The following PCNX3 variants were observed in gnomAD, a reference collection of about 807,000 sequenced individuals.
The protein encoded by PCNX3 is pecanex-like protein 3.
PCNX3 carries 58 observed loss-of-function variants against 207.2 expected under a neutral mutation model. The observed-to-expected ratio is 0.28, with a 90% CI of 0.23 to 0.35. The LOEUF is 0.35. PCNX3 is among the 10% of genes least tolerant of loss of function. The pLI, the probability that PCNX3 is intolerant of heterozygous loss-of-function variation, is 1.00. For synonymous variants in PCNX3, 1,337 were observed against 1,183.5 expected, an observed-to-expected ratio of 1.13 and a Z score of -2.66; for missense variants, 2,410 against 2,774.4, an observed-to-expected ratio of 0.87 and a Z score of 2.95.
At position 65,630,613 on chromosome 11, in the gene PCNX3, G is replaced by C; in HGVS notation, c.4470+9G>C. The C allele has an allele frequency of 1.6e-5, 25 of 1,601,962 alleles. No homozygotes were observed. The highest frequency in any genetic ancestry group is 2.1e-5 in the Non-Finnish European group (25 of 1,170,838). On this transcript the variant is annotated intron_variant, in intron 27 of 34. Coordinates refer to ENST00000355703, the MANE Select transcript of PCNX3 (RefSeq NM_032223.4). ...TCACCTACTATGTCAAGGTACGGTG[G>C]GCAGGTGTGGCCGGGCAGCAGGGCC...
At chr11:65,626,278 C>A (rs898126996) in intron 20 of PCNX3, 3 of 700,796 alleles carry the variant, frequency 4.3e-6, no homozygotes, top group African/African-American at 3.5e-5. Flanking sequence ...CCTGTGTTGC[C>A]CTGGTCCTGC....
intron 2 of PCNX3, 105 bp from the exon 3 acceptor site, chr11:65,617,145 G>T: frequency 7.2e-7 from 1 of 1,398,224 alleles, no homozygotes. Context: ...GTTAGCCCTG[G>T]AATTGTAAAG....
rs1014122091 is a variant in PCNX3, at chr11:65,620,864, G to A, written c.2133G>A (p.Ser711=). 38 of 1,588,810 alleles carry A rather than the reference G, an allele frequency of 2.4e-5. No homozygotes were observed. The highest frequency in any genetic ancestry group is 8.1e-5 in the African/African-American group (6 of 74,164). Reference sequence around the variant, plus strand: ...ACTCGCATTCCTCCAGCTTCCACTCGGCTGATGTCCCTGAGGCTACAGGCG... The same window carrying A: ...ACTCGCATTCCTCCAGCTTCCACTCAGCTGATGTCCCTGAGGCTACAGGCG... ...DRHSHSSSFH[S]ADVPEATGGL... Residue 711 remains serine (S), a synonymous_variant, in exon 10 of 35, where the codon TCG becomes TCA. Coordinates refer to ENST00000355703, the MANE Select transcript of PCNX3 (RefSeq NM_032223.4).
chr11:65,635,810 C>A lies in PCNX3; in HGVS notation c.5459+7C>A, dbSNP rs1314744777. The A allele has an allele frequency of 6.3e-7, 1 of 1,599,792 alleles. No homozygotes were observed. Among genetic ancestry groups the A allele is most frequent in the Non-Finnish European group, 8.5e-7 (1 of 1,173,056 alleles). On this transcript the variant is annotated splice_region_variant and intron_variant, in intron 32 of 34. Coordinates refer to ENST00000355703, the MANE Select transcript of PCNX3 (RefSeq NM_032223.4). This position sits in a 1 kb window ranked among gnomAD's most constrained non-coding sequence, Gnocchi z 9.9. ...TCCTGCGCACCTGGGAGAGGTGAGG[C>A]CTCGGGAAGGGGTGACGTGTGGCGC...
Position 65,636,627 on chromosome 11 carries a change from C to A in PCNX3, c.5830C>A (p.Leu1944Met). The A allele has an allele frequency of 6.3e-7, 1 of 1,585,456 alleles. No homozygotes were observed. The highest frequency in any genetic ancestry group is 8.6e-7 in the Non-Finnish European group (1 of 1,168,294). ...GKWSLGGRKG[L>M]GGSDGEPASG... ...GTGGAGCCTGGGGGGCCGGAAGGGG[C>A]TGGGAGGATCTGACGGGGAGCCAGC... is the stretch of plus-strand genomic sequence containing the variant. The change falls in exon 34 of 35, where the codon CTG becomes ATG. Residue 1944 changes from leucine (L) to methionine (M), a missense_variant. Leu to Met is a conservative substitution (Grantham distance 15, BLOSUM62 2). Transcript: ENST00000355703.
intron 1 of PCNX3, 70 bp downstream of exon 1, chr11:65,616,534 T>C: frequency 6.7e-7 from 1 of 1,495,590 alleles, no homozygotes; most frequent in Non-Finnish European, 9.0e-7. Context: ...TTCAGGGCAG[T>C]GCCCTGGGCT....
chr11:65,627,941 C>G (rs1189853807), intron 22 of PCNX3, among the ~76,000 whole-genome samples: 1 of 152,180 alleles, frequency 6.6e-6, no homozygotes, highest in Non-Finnish European at 1.5e-5. Context: ...CACCCTGGAT[C>G]CAGAGCAGTC....
Position 65,634,209 on chromosome 11 carries a change from G to C in PCNX3, c.4554G>C (p.Val1518=). ...HEGITAALRP[V]RVPGYADSDP... Reference sequence around the variant, plus strand: ...GCATCACGGCAGCCCTGAGGCCTGTGCGGGTGCCCGGCTATGCCGACTCGG... The same window carrying C: ...GCATCACGGCAGCCCTGAGGCCTGTCCGGGTGCCCGGCTATGCCGACTCGG... Residue 1518 remains valine, a synonymous_variant, in exon 28 of 35, where the codon GTG becomes GTC. Coordinates refer to ENST00000355703, the MANE Select transcript of PCNX3 (RefSeq NM_032223.4). 1 of 1,613,500 alleles carries C rather than the reference G, an allele frequency of 6.2e-7. No homozygotes were observed. Among genetic ancestry groups the C allele is most frequent in the Non-Finnish European group, 8.5e-7 (1 of 1,179,828 alleles).
At position 65,625,709 on chromosome 11, in the gene PCNX3, G is replaced by A; in HGVS notation, c.3193G>A (p.Ala1065Thr). 2.5e-6 allele frequency: 4 copies of A among 1,611,376 alleles called. No homozygotes were observed. Among genetic ancestry groups the A allele is most frequent in the South Asian group, 1.1e-5 (1 of 90,982 alleles). Residue 1065 changes from alanine (A) to threonine (T), a missense_variant, in exon 19 of 35, where the codon GCC (alanine) becomes ACC (threonine). Ala to Thr is a moderately conservative substitution (Grantham distance 58, BLOSUM62 0). Around this residue, in one of 8 missense-constraint regions of PCNX3, gnomAD observed 333 missense variants for 386.8 expected, o/e 0.86. Coordinates refer to ENST00000355703, the MANE Select transcript of PCNX3 (RefSeq NM_032223.4). This position sits in a 1 kb window ranked among gnomAD's most constrained non-coding sequence, Gnocchi z 5.6. ...TGTGGTGATCGCCGTGCTCACCTTCGCCATCAGCGCCAGCACCGTCTTTAT... is the reference window on the plus strand; with the variant it reads ...TGTGGTGATCGCCGTGCTCACCTTCACCATCAGCGCCAGCACCGTCTTTAT... ...MCVVIAVLTF[A>T]ISASTVFIAL... is the part of the protein sequence containing the mutation.
Position 65,635,392 on chromosome 11 carries a change from G to C in PCNX3, c.5128G>C (p.Asp1710His). 6.2e-7 allele frequency: 1 copy of C among 1,612,270 alleles called. No homozygotes were observed. The highest frequency in any genetic ancestry group is 8.5e-7 in the Non-Finnish European group (1 of 1,179,728). ...GCGCCATGTCCTGGATGATGCCTCC[G>C]ACGAGTACAAGATCATCATGCTCAA... ...ALRHVLDDAS[D>H]EYKIIMLNRR... Residue 1710 changes from aspartate to histidine, a missense_variant, in exon 31 of 35, where the codon GAC becomes CAC. Around this residue, in one of 8 missense-constraint regions of PCNX3, gnomAD observed 420 missense variants for 705.3 expected, o/e 0.60. Transcript: ENST00000355703. The surrounding 1 kb of genome is among the most constrained non-coding windows in gnomAD (Gnocchi z 9.9).
At chr11:65,626,194 C>T in intron 20 of PCNX3, 140 bp downstream of exon 20, 1 of 1,197,530 alleles carries the variant, frequency 8.4e-7, no homozygotes, top group Non-Finnish European at 1.2e-6. Flanking sequence ...TCCCTCCCTG[C>T]CCTCTGTGTC....
chr11:65,626,061 G>T lies in PCNX3; in HGVS notation c.3379+7G>T. ...AGCCAGTATGAAGTGCGCGGTGAGT[G>T]CCCACCCCTGATGGCCAGGCCTGGG... On this transcript the variant is annotated splice_region_variant and intron_variant, in intron 20 of 34. Coordinates refer to ENST00000355703, the MANE Select transcript of PCNX3 (RefSeq NM_032223.4). The T allele has an allele frequency of 1.3e-6, 2 of 1,594,236 alleles. No homozygotes were observed. Among genetic ancestry groups the T allele is most frequent in the South Asian group, 1.1e-5 (1 of 88,602 alleles).
In PCNX3 at chr11:65,635,573, G is replaced by C; in HGVS notation, c.5229G>C (p.Gln1743His). Residue 1743 changes from glutamine to histidine, a missense_variant, in exon 32 of 35, where the codon CAG becomes CAC. By Grantham distance (24) the Gln-to-His change is conservative (BLOSUM62 0). Transcript: ENST00000355703. This position sits in a 1 kb window ranked among gnomAD's most constrained non-coding sequence, Gnocchi z 9.9. ...CVRGLWAGQQQELVFLRNRNP... is the reference protein window; with the variant it reads ...CVRGLWAGQQHELVFLRNRNP... The stretch of plus-strand genomic sequence containing the variant: ...GCGGCCTGTGGGCCGGGCAGCAGCA[G>C]GAGCTGGTGTTCCTGCGCAACCGCA... The C allele has an allele frequency of 6.2e-7, 1 of 1,612,518 alleles. No homozygotes were observed. Among genetic ancestry groups the C allele is most frequent in the Non-Finnish European group, 8.5e-7 (1 of 1,179,734 alleles).
intron 22 of PCNX3, 84 bp downstream of exon 22, chr11:65,627,666 G>A: frequency 6.6e-7 from 1 of 1,506,796 alleles, no homozygotes; most frequent in Non-Finnish European, 9.1e-7. Flanking sequence ...AGAATTTCCT[G>A]AGGGCCTGTG....
intron 8 of PCNX3, 63 bp from the exon 9 acceptor site, chr11:65,620,276 G>A: frequency 1.6e-5 from 24 of 1,500,954 alleles, no homozygotes; most frequent in Non-Finnish European, 2.0e-5. Flanking sequence ...TGGTGCCCAC[G>A]TGAGCCGGGC....
In PCNX3 at chr11:65,626,637, A is replaced by G. The variant is rs115058316; in HGVS notation, c.3380-267A>G. The G allele has an allele frequency of 3.7e-4, 193 of 523,514 alleles. 2 individuals carry two copies. The highest frequency in any genetic ancestry group is 3.6e-3 in the African/African-American group (185 of 52,110). 32.4% of individuals were successfully genotyped at this position (523,514 alleles called of 1,614,324 possible). ...AGGCCCTAGCCAGCCTGCTGTACGT[A>G]GGTGTTTGCGATTTCATCATTGGCC... On this transcript the variant is annotated intron_variant, in intron 20 of 34. Transcript: ENST00000355703.
Position 65,619,779 on chromosome 11 carries a change from C to A in PCNX3, c.1855C>A (p.Arg619=). The change falls in exon 8 of 35, where the codon CGG becomes AGG. Residue 619 remains arginine, a synonymous_variant. Coordinates refer to ENST00000355703, the MANE Select transcript of PCNX3 (RefSeq NM_032223.4). The stretch of plus-strand genomic sequence containing the variant: ...CAGCCTGCAGGAAGCTCAGCGGGGC[C>A]GGGCTGCCTCCCACTCCCGGGCGCT... ...PSSLQEAQRG[R]AASHSRALTL... is the part of the protein sequence containing the mutation. 6.3e-7 allele frequency: 1 copy of A among 1,579,774 alleles called. No homozygotes were observed. Among genetic ancestry groups the A allele is most frequent in the East Asian group, 2.3e-5 (1 of 43,638 alleles).
chr11:65,634,585 C>T lies in PCNX3; in HGVS notation c.4749C>T (p.Gly1583=). 6.2e-7 allele frequency: 1 copy of T among 1,605,152 alleles called. No individual in the cohort carries two copies. The highest frequency in any genetic ancestry group is 8.5e-7 in the Non-Finnish European group (1 of 1,178,726). ...CCCCGCTGGTCACGCTGTGTTTTGGCCTGTGTGTGCTGGGCCGCCGGGCCC... is the reference window on the plus strand; with the variant it reads ...CCCCGCTGGTCACGCTGTGTTTTGGTCTGTGTGTGCTGGGCCGCCGGGCCC... ...WNSPLVTLCF[G]LCVLGRRALG... The change falls in exon 29 of 35, where the codon GGC becomes GGT. Residue 1583 remains glycine, a synonymous_variant. Coordinates refer to ENST00000355703, the MANE Select transcript of PCNX3 (RefSeq NM_032223.4).
At chr11:65,616,520 G>A in intron 1 of PCNX3, 56 bp downstream of exon 1, 3 of 1,543,890 alleles carry the variant, frequency 1.9e-6, no homozygotes, top group Non-Finnish European at 2.6e-6. Context: ...CAGCCTGGCA[G>A]GGATTCAGGG....
Sources: allele counts gnomAD v4.1 joint callset (sites outside exome capture counted in the v4.1 genomes callset), GRCh38; gene constraint gnomAD v4.1.1; regional missense constraint gnomAD v4.1.1; non-coding constraint Gnocchi (gnomAD v3.1); transcripts MANE v1.5; gene names NCBI Gene and HGNC (gene_info 2026-07-23, HGNC 2026-07-21).